PIEZO1: variants seen among roughly 807,000 people sequenced by gnomAD.
PIEZO1 encodes piezo type mechanosensitive ion channel component 1 (Er blood group).
PIEZO1 carries 296 observed loss-of-function variants against 297.2 expected under a neutral mutation model. That is an observed-to-expected ratio of 1.00 (90% confidence interval 0.91 to 1.10). The LOEUF (loss-of-function observed/expected upper bound fraction) is 1.10, where lower values mean the gene tolerates loss of function less well. PIEZO1 is among the 50% of genes least tolerant of loss of function. The pLI, the probability that PIEZO1 is intolerant of heterozygous loss-of-function variation, is 0.00. For missense variants in PIEZO1, 5,018 were observed against 3,455.5 expected, an observed-to-expected ratio of 1.45 and a Z score of -11.34; for synonymous variants, 2,427 against 1,507.5, an observed-to-expected ratio of 1.61 and a Z score of -14.13.
At position 88,726,481 on chromosome 16, in the gene PIEZO1, C is replaced by CAGGCCCA. The variant is rs199647212; in HGVS notation, c.3797-33_3797-27dup. The CAGGCCCA allele has an allele frequency of 5.6e-4, 863 of 1,548,720 alleles. 7 individuals carry two copies. In the African/African-American group the frequency reaches 0.011, roughly 19 times the overall value. Reference sequence around the variant, plus strand: ...CTGCAAGGCAGGCACCGGCAAGGGTCAGGCCCAGGGCCCAGGAGCAGGGGG... The same window carrying CAGGCCCA: ...CTGCAAGGCAGGCACCGGCAAGGGTCAGGCCCAAGGCCCAGGGCCCAGGAGCAGGGGG... On this transcript the variant is annotated intron_variant, in intron 26 of 50. Transcript: ENST00000301015.
chr16:88,720,673 C>G lies in PIEZO1; in HGVS notation c.5744G>C (p.Arg1915Pro). ...GGCCGCCCTTACTCTTCCTCCAGAG[C>G]GGCTTGGCCTCTTCTCTCTCCCCGT... ...APTGREKRPS[R>P]SGGRVRAAGR... Residue 1915 changes from arginine (R) to proline (P), a missense_variant, in exon 40 of 51, where the codon CGC becomes CCC. Arg to Pro is a moderately radical substitution (Grantham distance 103, BLOSUM62 -2). Transcript: ENST00000301015. 6.5e-7 allele frequency: 1 copy of G among 1,546,714 alleles called. No homozygotes were observed. Among genetic ancestry groups the G allele is most frequent in the African/African-American group, 1.4e-5 (1 of 72,998 alleles).
intron 1 of PIEZO1, among the ~76,000 whole-genome samples, chr16:88,757,326 GT>G (rs66514166): frequency 0.21 from 12,237 of 57,570 alleles, 2,277 homozygotes; most frequent in East Asian, 0.35. Context: ...TGGCGGGGGG[GT>G]GGGGGGTAGT....
Position 88,723,109 on chromosome 16 carries a change from TC to T in PIEZO1, c.4480del (p.Glu1494ArgfsTer15). On this transcript the variant is annotated frameshift_variant, in exon 33 of 51. Coordinates refer to ENST00000301015, the MANE Select transcript of PIEZO1 (RefSeq NM_001142864.4). LOFTEE classifies it high-confidence loss of function. ...SQEVEPAEGP[E>X]EAAAGRSHVV... The stretch of plus-strand genomic sequence containing the variant: ...GGCCCACGTACCTGCCGCTGCCTCC[TC>T]GGGGCCCTCTGCTGGCTCCACCTCC... 1.3e-6 allele frequency: 2 copies of T among 1,548,490 alleles called. No individual in the cohort carries two copies. The highest frequency in any genetic ancestry group is 2.4e-5 in the East Asian group (1 of 40,918).
rs1343885714 is a variant in PIEZO1, at chr16:88,734,883, G to C, written c.1840C>G (p.Leu614Val). The C allele has an allele frequency of 1.9e-6, 3 of 1,550,248 alleles. No homozygotes were observed. The highest frequency in any genetic ancestry group is 2.7e-5 in the African/African-American group (2 of 73,072). Residue 614 changes from leucine (L) to valine (V), a missense_variant, in exon 14 of 51, where the codon CTC (leucine) becomes GTC (valine). Physicochemically the swap from Leu to Val is conservative, Grantham distance 32 (BLOSUM62 1). Transcript: ENST00000301015. ...YMFLFLLCLT[L>V]FQVYYSLWRK... ...CCCGGCCCCCCAGCCACCTGGAAGA[G>C]GGTGAGGCAGAGCAGGAAGAGGAAC...
chr16:88,724,186 G>A (rs1252724391), intron 30 of PIEZO1, among the ~76,000 whole-genome samples: 1 of 152,222 alleles, frequency 6.6e-6, no homozygotes, highest in African/African-American at 2.4e-5. Flanking sequence ...GGTGCAGAGT[G>A]GGCCGACTGC....
chr16:88,736,212 G>T lies in PIEZO1; in HGVS notation c.1493C>A (p.Pro498His). 1 of 1,549,862 alleles carries T rather than the reference G, an allele frequency of 6.5e-7. No homozygotes were observed. The highest frequency in any genetic ancestry group is 8.7e-7 in the Non-Finnish European group (1 of 1,146,746). The change falls in exon 12 of 51, where the codon CCC becomes CAC. Residue 498 changes from proline to histidine, a missense_variant. Coordinates refer to ENST00000301015, the MANE Select transcript of PIEZO1 (RefSeq NM_001142864.4). ...LRPELPTTLG[P>H]VSLRQLGLEH... ...CAGCCCCAGCTGGCGCAGGCTGACGGGGCCCAGGGTGGTGGGCAGCTCAGG... is the reference window on the plus strand; with the variant it reads ...CAGCCCCAGCTGGCGCAGGCTGACGTGGCCCAGGGTGGTGGGCAGCTCAGG...
At chr16:88,741,703 TGTGGATGGGTCTCCAGGTGCGGGTGG>T in intron 4 of PIEZO1, 87 bp from the exon 5 acceptor site, 1 of 452,250 alleles carries the variant, frequency 2.2e-6, no homozygotes, top group Non-Finnish European at 3.8e-6. Context: ...CGGGTGGGAG[TGTGGATGGGTCTCCAGGTGCGGGTGG>T]GAGTGTGGAT....
intron 12 of PIEZO1, 35 bp downstream of exon 12, chr16:88,736,113 C>G (rs1258470781): frequency 1.3e-6 from 2 of 1,517,476 alleles, no homozygotes; most frequent in African/African-American, 1.4e-5. Flanking sequence ...GGTCTGCGCA[C>G]CCAGGCACCC....
chr16:88,723,484 A>C (rs1036188520), intron 31 of PIEZO1, among the ~76,000 whole-genome samples, 156 bp from the exon 32 acceptor site: 2 of 152,116 alleles, frequency 1.3e-5, no homozygotes, highest in African/African-American at 4.8e-5. Flanking sequence ...GGGGACCCTG[A>C]GGGGCTGTGG....
chr16:88,734,842 G>A (rs987081841), intron 14 of PIEZO1, 33 bp downstream of exon 14: 54 of 1,550,054 alleles, frequency 3.5e-5, no homozygotes, highest in African/African-American at 1.8e-4. Context: ...GGGAGGGTCC[G>A]TGCCCCAGCC....
rs1323944283 is a variant in PIEZO1 at position 88,721,433 on chromosome 16, G to C, written c.5404-3C>G. Reference sequence around the variant, plus strand: ...TCATGGTCCCAGAGGCCATAGCACTGAGGGGCGGGAGGGTGTGGTGAGGGG... The same window carrying C: ...TCATGGTCCCAGAGGCCATAGCACTCAGGGGCGGGAGGGTGTGGTGAGGGG... On this transcript the variant is annotated splice_polypyrimidine_tract_variant and splice_region_variant and intron_variant, in intron 38 of 50. Coordinates refer to ENST00000301015, the MANE Select transcript of PIEZO1 (RefSeq NM_001142864.4). 4.5e-6 allele frequency: 7 copies of C among 1,544,244 alleles called. No homozygotes were observed. Among genetic ancestry groups the C allele is most frequent in the Non-Finnish European group, 6.1e-6 (7 of 1,142,470 alleles).
At chr16:88,749,301 A>T in intron 2 of PIEZO1, 83 bp downstream of exon 2, 1 of 861,244 alleles carries the variant, frequency 1.2e-6, no homozygotes, top group Non-Finnish European at 1.7e-6. Flanking sequence ...GTTAAAGGTG[A>T]GGAAAGCTGT....
rs1261704186 is a variant in PIEZO1, at chr16:88,721,710, T to A, written c.5231A>T (p.Lys1744Met). ...GAAGAACCCAAACTGGAACAGGTAC[T>A]TGACGACCACCGCGATCTGTGGGGG... ...IVFTEIAVVV[K>M]YLFQFGFFPW... The change falls in exon 38 of 51, where the codon AAG becomes ATG. Residue 1744 changes from lysine (K) to methionine (M), a missense_variant. Transcript: ENST00000301015. 6.5e-7 allele frequency: 1 copy of A among 1,545,114 alleles called. No individual in the cohort carries two copies. Among genetic ancestry groups the A allele is most frequent in the Admixed American group, 2.0e-5 (1 of 50,864 alleles).
At chr16:88,784,624 G>A (rs1286539605) in intron 1 of PIEZO1, among the ~76,000 whole-genome samples, 1 of 151,810 alleles carries the variant, frequency 6.6e-6, no homozygotes, top group Non-Finnish European at 1.5e-5. Context: ...CGCCAGCCGC[G>A]CTATGCCCGG....
chr16:88,733,606 G>C lies in PIEZO1; in HGVS notation c.2469C>G (p.Val823=), dbSNP rs563020910. 7 of 1,547,360 alleles carry C rather than the reference G, an allele frequency of 4.5e-6. No homozygotes were observed. The South Asian group carries it at 7.2e-5, about 16-fold the overall frequency. Residue 823 remains valine, a synonymous_variant, in exon 18 of 51, where the codon GTC becomes GTG. Coordinates refer to ENST00000301015, the MANE Select transcript of PIEZO1 (RefSeq NM_001142864.4). ...CACTCACCTCCTTCAGGGCCACCCA[G>C]ACGGTGTACAGGGCCACCAGCTTGA... ...HVFKLVALYT[V]WVALKEVSVM...
At chr16:88,781,371 C>T (rs1019368830) in intron 1 of PIEZO1, among the ~76,000 whole-genome samples, 4 of 152,216 alleles carry the variant, frequency 2.6e-5, no homozygotes, top group African/African-American at 7.2e-5. Context: ...CGCTGCGGGA[C>T]GAGCACCCGC....
chr16:88,773,265 G>A (rs1485386198), intron 1 of PIEZO1, among the ~76,000 whole-genome samples: 1 of 152,268 alleles, frequency 6.6e-6, no homozygotes, highest in Admixed American at 6.5e-5. Context: ...GGAGGCCTGA[G>A]TCAGGACAGC....
chr16:88,724,401 G>A (rs1024062420), intron 30 of PIEZO1, among the ~76,000 whole-genome samples: 2 of 152,096 alleles, frequency 1.3e-5, no homozygotes, highest in African/African-American at 4.8e-5. Context: ...CGTGGTGGCG[G>A]GCACCTGTAA....
chr16:88,726,665 G>A (rs765546212), intron 25 of PIEZO1, 22 bp from the exon 26 acceptor site: 67 of 1,546,970 alleles, frequency 4.3e-5, no homozygotes, highest in South Asian at 3.2e-4. Flanking sequence ...CAGGGTCAGC[G>A]GGGCCAGCGG....
Sources: allele counts gnomAD v4.1 joint callset (sites outside exome capture counted in the v4.1 genomes callset), GRCh38; gene constraint gnomAD v4.1.1; transcripts MANE v1.5; gene names NCBI Gene and HGNC (gene_info 2026-07-23, HGNC 2026-07-21).